Variants in EHMT1 observed in about 807,000 individuals in gnomAD.
EHMT1 encodes euchromatic histone lysine methyltransferase 1.
EHMT1 carries 15 observed loss-of-function variants against 147.2 expected under a neutral mutation model. That is an observed-to-expected ratio of 0.10 (90% CI 0.07 to 0.16). The LOEUF is 0.16. EHMT1 is among the 10% of genes least tolerant of loss of function. The pLI is 1.00. For synonymous variants in EHMT1, 795 were observed against 709.6 expected (o/e 1.12, Z -1.91); for missense variants, 1,587 against 1,772.4 (o/e 0.90, Z 1.88).
At chr9:137,674,568 C>T (rs1248019158) in intron 1 of EHMT1, among the ~76,000 whole-genome samples, 2 of 152,204 alleles carry the variant, frequency 1.3e-5, no homozygotes, top group Admixed American at 6.5e-5. Context: ...GCCTTGCCTC[C>T]TGCAGTCTGC....
intron 25 of EHMT1, among the ~76,000 whole-genome samples, chr9:137,833,213 C>T (rs989730183): frequency 2.6e-5 from 4 of 152,220 alleles, no homozygotes; most frequent in African/African-American, 9.6e-5. Flanking sequence ...CCAGGTGTCT[C>T]TGCCGGCAGG....
chr9:137,796,126 G>A (rs1053167523), intron 16 of EHMT1, among the ~76,000 whole-genome samples: 1 of 152,206 alleles, frequency 6.6e-6, no homozygotes, highest in African/African-American at 2.4e-5. Context: ...ACACGAAGAC[G>A]CCAGCCAGGC....
chr9:137,762,962 C>T (rs908664710), intron 10 of EHMT1, 142 bp downstream of exon 10: 9 of 1,035,500 alleles, frequency 8.7e-6, no homozygotes, highest in Admixed American at 3.9e-5. Flanking sequence ...CAGAACCAAT[C>T]GAGCAGATCC....
intron 24 of EHMT1, 67 bp from the exon 25 acceptor site, chr9:137,817,993 G>A (rs1275605511): frequency 1.4e-6 from 2 of 1,481,240 alleles, no homozygotes; most frequent in South Asian, 1.1e-5. Context: ...GCGGAGTCTG[G>A]GCTGTGCTTG....
chr9:137,796,703 C>CAAAAAAAAAAA (rs11449759), intron 16 of EHMT1, among the ~76,000 whole-genome samples: 49 of 85,756 alleles, frequency 5.7e-4, no homozygotes, highest in Middle Eastern at 7.6e-3. Context: ...GACTCCATCT[C>CAAAAAAAAAAA]AAAAAAAAAA....
intron 1 of EHMT1, among the ~76,000 whole-genome samples, chr9:137,708,534 A>G (rs1944437649): frequency 6.6e-6 from 1 of 152,200 alleles, no homozygotes; most frequent in African/African-American, 2.4e-5. Flanking sequence ...GACACATTTT[A>G]TTATATGGTA....
intron 15 of EHMT1, chr9:137,785,709 C>A (rs1368765156): frequency 6.6e-6 from 1 of 152,230 alleles, no homozygotes; most frequent in Admixed American, 6.5e-5. Flanking sequence ...TTGCATCATG[C>A]ATACAGAAAG....
At chr9:137,718,683 A>G (rs1056795262) in intron 3 of EHMT1, among the ~76,000 whole-genome samples, 2 of 150,072 alleles carry the variant, frequency 1.3e-5, no homozygotes, top group African/African-American at 5.0e-5. Context: ...CCATATATTG[A>G]TATATTTTAT....
At chr9:137,778,229 C>G (rs1951107439) in intron 13 of EHMT1, among the ~76,000 whole-genome samples, 174 bp downstream of exon 13, 2 of 152,222 alleles carry the variant, frequency 1.3e-5, no homozygotes, top group South Asian at 4.1e-4. Flanking sequence ...TTACTGTCCT[C>G]TGCATTATAG....
At chr9:137,827,034 C>T (rs887547751) in intron 25 of EHMT1, among the ~76,000 whole-genome samples, 2 of 152,232 alleles carry the variant, frequency 1.3e-5, no homozygotes, top group Non-Finnish European at 2.9e-5. Context: ...CCTCCTCCCC[C>T]ACACGTCTGT....
intron 2 of EHMT1, 65 bp from the exon 3 acceptor site, chr9:137,716,561 G>A (rs1040127461): frequency 6.8e-6 from 10 of 1,478,410 alleles, no homozygotes; most frequent in Non-Finnish European, 9.1e-6. Flanking sequence ...GGAGGAAGTG[G>A]TGGTGGTGGT....
At chr9:137,807,086 G>A (rs1954012548) in intron 18 of EHMT1, among the ~76,000 whole-genome samples, 1 of 152,158 alleles carries the variant, frequency 6.6e-6, no homozygotes, top group African/African-American at 2.4e-5. Context: ...TCTTGGATCT[G>A]TGGATTTAGG....
At chr9:137,799,024 C>A in intron 17 of EHMT1, 110 bp downstream of exon 17, 1 of 925,598 alleles carries the variant, frequency 1.1e-6, no homozygotes, top group Non-Finnish European at 1.7e-6. Context: ...CCCTCCCACG[C>A]ACAGAGCCAG....
intron 1 of EHMT1, chr9:137,697,155 C>G (rs750394726): frequency 1.4e-5 from 5 of 368,882 alleles, no homozygotes; most frequent in South Asian, 9.3e-5. Context: ...TTGGCATGCA[C>G]TTGTAATCCC....
intron 1 of EHMT1, among the ~76,000 whole-genome samples, chr9:137,652,396 A>T (rs1194424643): frequency 1.4e-5 from 2 of 140,632 alleles, no homozygotes; most frequent in Admixed American, 1.4e-4. Flanking sequence ...TCTTAGTTTT[A>T]TTTTTTTTGA....
At chr9:137,620,483 A>G (rs1396974232) in intron 1 of EHMT1, among the ~76,000 whole-genome samples, 1 of 152,148 alleles carries the variant, frequency 6.6e-6, no homozygotes, top group African/African-American at 2.4e-5. Context: ...AGGCATGATC[A>G]CTGCTCACTG....
rs1037900285 is a variant in EHMT1, at chr9:137,813,676, G to C, written c.3180+146G>C. On this transcript the variant is annotated intron_variant, in intron 21 of 26. Coordinates refer to ENST00000460843, the MANE Select transcript of EHMT1 (RefSeq NM_024757.5). The surrounding 1 kb of genome is among the most constrained non-coding windows in gnomAD (Gnocchi z 4.9). Reference sequence around the variant, plus strand: ...GGAAGACCTCATTCTCTTTGTAGTTGCCTCCCGTGAAAGAGCTGGAAGGCA... The same window carrying C: ...GGAAGACCTCATTCTCTTTGTAGTTCCCTCCCGTGAAAGAGCTGGAAGGCA... 31 of 1,205,194 alleles carry C rather than the reference G, an allele frequency of 2.6e-5. No individual in the cohort carries two copies. The highest frequency in any genetic ancestry group is 4.0e-5 in the Admixed American group (2 of 50,022). 74.7% of individuals were successfully genotyped at this position (1,205,194 alleles called of 1,614,324 possible).
Position 137,782,401 on chromosome 9 carries a change from C to T in EHMT1, c.2382+4C>T, listed in dbSNP as rs752270107. ...CATCTGCCACATGCTGGTTCAGGTG[C>T]GGCGGCACGGCGCCCTCCTAGGGCT... On this transcript the variant is annotated splice_donor_region_variant and intron_variant, in intron 15 of 26. Coordinates refer to ENST00000460843, the MANE Select transcript of EHMT1 (RefSeq NM_024757.5). The surrounding 1 kb of genome is among the most constrained non-coding windows in gnomAD (Gnocchi z 5.7). The T allele has an allele frequency of 5.6e-6, 9 of 1,603,078 alleles. No homozygotes were observed. Among genetic ancestry groups the T allele is most frequent in the South Asian group, 4.4e-5 (4 of 90,346 alleles).
chr9:137,796,703 C>CAAAAAAAA (rs11449759), intron 16 of EHMT1, among the ~76,000 whole-genome samples: 2,775 of 85,346 alleles, frequency 0.033, 149 homozygotes, highest in African/African-American at 0.054. Flanking sequence ...GACTCCATCT[C>CAAAAAAAA]AAAAAAAAAA....
Sources: gnomAD v4.1 joint callset for allele counts (sites outside exome capture counted in the v4.1 genomes callset) on GRCh38, gnomAD v4.1.1 for gene constraint, Gnocchi (gnomAD v3.1) non-coding constraint, MANE v1.5 for transcripts, NCBI Gene and HGNC (gene_info 2026-07-23, HGNC 2026-07-21) for gene names.